Variants in ADPGK observed in about 807,000 individuals in gnomAD.
ADPGK encodes ADP dependent glucokinase.
Under a neutral mutation model 42.4 loss-of-function variants are expected in ADPGK, and 26 were observed. That is an observed-to-expected ratio of 0.61 (90% CI 0.45 to 0.85). The LOEUF is 0.85. Ranked by LOEUF, ADPGK falls within the 40% of genes least tolerant of loss-of-function variation. ADPGK has a pLI of 0.00. For missense variants in ADPGK, 571 were observed against 627.0 expected (o/e 0.91, Z 0.95); for synonymous variants, 267 against 252.6 (o/e 1.06, Z -0.54).
chr15:72,783,577 G>C lies in ADPGK; in HGVS notation c.115C>G (p.Leu39Val), dbSNP rs1347795078. ...GGCGCAGGCGCGGGCCCCAGACACA[G>C]CGAGCTCCAGAGAGAGCGCAGCGCC... is the stretch of plus-strand genomic sequence containing the variant. Reference protein sequence around the residue: ...GSALRSLWSSLCLGPAPAPPG... With the variant: ...GSALRSLWSSVCLGPAPAPPG... The change falls in exon 1 of 7, where the codon CTG becomes GTG. Residue 39 changes from leucine (L) to valine (V), a missense_variant. Physicochemically the swap from Leu to Val is conservative, Grantham distance 32. Coordinates refer to ENST00000456471, the MANE Select transcript of ADPGK (RefSeq NM_001365225.1). 6.6e-7 allele frequency: 1 copy of C among 1,512,652 alleles called. No homozygotes were observed. Among genetic ancestry groups the C allele is most frequent in the African/African-American group, 1.4e-5 (1 of 69,648 alleles). The allele number at this position is 1,512,652 out of a possible 1,614,324, so 93.7% of individuals were successfully genotyped here.
chr15:72,761,940 C>T (rs547753348), intron 3 of ADPGK, among the ~76,000 whole-genome samples: 76 of 152,128 alleles, frequency 5.0e-4, no homozygotes, highest in Admixed American at 1.8e-3. Context: ...GGCACAATCT[C>T]GGCTCACTGC....
chr15:72,782,324 G>C (rs2151098215), intron 1 of ADPGK, among the ~76,000 whole-genome samples: 1 of 151,998 alleles, frequency 6.6e-6, no homozygotes, highest in Admixed American at 6.5e-5. Flanking sequence ...GACCAGCCTG[G>C]GCAATATAGC....
At chr15:72,782,386 G>A (rs1425958021) in intron 1 of ADPGK, among the ~76,000 whole-genome samples, 2 of 151,928 alleles carry the variant, frequency 1.3e-5, no homozygotes, top group African/African-American at 2.4e-5. Flanking sequence ...TTGGCTGGGC[G>A]TGGTGGTGCT....
chr15:72,758,477 GAC>G (rs1197313880), intron 4 of ADPGK: 1 of 359,730 alleles, frequency 2.8e-6, no homozygotes, highest in Non-Finnish European at 5.3e-6. Flanking sequence ...TGAGGTCAGA[GAC>G]AAGCTGGGAA....
chr15:72,780,345 T>A (rs569969887), intron 1 of ADPGK, among the ~76,000 whole-genome samples: 1 of 152,074 alleles, frequency 6.6e-6, no homozygotes, highest in East Asian at 1.9e-4. Context: ...AAGGATCTCA[T>A]GAGAACGAAC....
rs766801695 is a variant in ADPGK at position 72,752,628 on chromosome 15, C to T, written c.1207G>A (p.Val403Met). The T allele has an allele frequency of 8.1e-6, 13 of 1,614,108 alleles. No individual in the cohort carries two copies. The highest frequency in any genetic ancestry group is 1.1e-5 in the Non-Finnish European group (13 of 1,180,048). Residue 403 changes from valine (V) to methionine (M), a missense_variant, in exon 7 of 7, where the codon GTG (valine) becomes ATG (methionine). Transcript: ENST00000456471. Reference protein sequence around the residue: ...DGHWANQLAAVAAGARVAGTQ... With the variant: ...DGHWANQLAAMAAGARVAGTQ... Reference sequence around the variant, plus strand: ...CCAGCCACACGAGCTCCTGCAGCCACGGCTGCCAGCTGGTTGGCCCAGTGT... The same window carrying T: ...CCAGCCACACGAGCTCCTGCAGCCATGGCTGCCAGCTGGTTGGCCCAGTGT...
Position 72,781,760 on chromosome 15 carries a change from T to G in ADPGK, c.233+1699A>C, listed in dbSNP as rs530897712. On this transcript the variant is annotated intron_variant, in intron 1 of 6. Coordinates refer to ENST00000456471, the MANE Select transcript of ADPGK (RefSeq NM_001365225.1). ...CTCTTCTAACCATAATTGTTATGGATTGAATTGTCCACCCCCCACCAATTC... is the reference window on the plus strand; with the variant it reads ...CTCTTCTAACCATAATTGTTATGGAGTGAATTGTCCACCCCCCACCAATTC... 1.9e-4 allele frequency among the ~76,000 whole-genome samples: 29 copies of G among 152,322 alleles called. 2 individuals are homozygous for G. The South Asian group carries it at 5.8e-3, about 30-fold the overall frequency.
At chr15:72,776,765 C>G (rs2066397235) in intron 1 of ADPGK, among the ~76,000 whole-genome samples, 1 of 152,134 alleles carries the variant, frequency 6.6e-6, no homozygotes, top group African/African-American at 2.4e-5. Context: ...TTATAAGGGT[C>G]CTTTTTATTA....
chr15:72,752,890 G>GT lies in ADPGK; in HGVS notation c.944_945insA (p.Phe316LeufsTer11). 1 of 1,608,552 alleles carries GT rather than the reference G, an allele frequency of 6.2e-7. No individual in the cohort carries two copies. On this transcript the variant is annotated frameshift_variant, in exon 7 of 7. Coordinates refer to ENST00000456471, the MANE Select transcript of ADPGK (RefSeq NM_001365225.1). LOFTEE classifies it high-confidence loss of function. ...GCCCAAGGGAAGTCACCGCGGGAAA[G>GT]ACCTGCTAACAAAAACAACAACAGG...
rs377700760 is a variant in ADPGK at position 72,779,323 on chromosome 15, A to G, written c.233+4136T>C. Among the ~76,000 whole-genome samples, 459 of 140,802 alleles carry G rather than the reference A, an allele frequency of 3.3e-3. 1 individual carries two copies. Among genetic ancestry groups the G allele is most frequent in the African/African-American group, 0.011 (425 of 37,250 alleles). The allele number at this position is 140,802 out of a possible 152,430, so 92.4% of individuals were successfully genotyped here. ...GAATGCAACGGCGCGATCTCGGCTCACCGCAACCTCTGCCTCCTGGGTTGA... is the reference window on the plus strand; with the variant it reads ...GAATGCAACGGCGCGATCTCGGCTCGCCGCAACCTCTGCCTCCTGGGTTGA... On this transcript the variant is annotated intron_variant, in intron 1 of 6. Coordinates refer to ENST00000456471, the MANE Select transcript of ADPGK (RefSeq NM_001365225.1).
intron 3 of ADPGK, among the ~76,000 whole-genome samples, chr15:72,762,648 T>C (rs903702013): frequency 3.3e-5 from 5 of 152,184 alleles, no homozygotes; most frequent in African/African-American, 4.8e-5. Flanking sequence ...TTTCAAAACA[T>C]TGTGTGAACA....
chr15:72,773,923 A>C (rs11072386), intron 2 of ADPGK, among the ~76,000 whole-genome samples: 132,650 of 152,190 alleles, frequency 0.87, 58,106 homozygotes, highest in East Asian at 1. Context: ...GACTGGAGTG[A>C]AGTGGCACGG....
intron 1 of ADPGK, chr15:72,783,061 C>T: frequency 3.3e-6 from 1 of 307,344 alleles, no homozygotes; most frequent in Non-Finnish European, 4.8e-6. Context: ...GCAGACATCA[C>T]GCGTCTTCAA....
At chr15:72,771,138 T>A (rs566541301) in intron 3 of ADPGK, among the ~76,000 whole-genome samples, 7 of 152,294 alleles carry the variant, frequency 4.6e-5, no homozygotes, top group African/African-American at 1.7e-4. Context: ...CTTGTTGGCC[T>A]CCCCCTTCAG....
At chr15:72,764,381 A>T (rs2066231906) in intron 3 of ADPGK, among the ~76,000 whole-genome samples, 1 of 152,250 alleles carries the variant, frequency 6.6e-6, no homozygotes, top group Non-Finnish European at 1.5e-5. Context: ...TGGATAGCAG[A>T]TCAAACAAGC....
intron 3 of ADPGK, among the ~76,000 whole-genome samples, chr15:72,762,008 A>C (rs1241011706): frequency 6.6e-6 from 1 of 152,094 alleles, no homozygotes; most frequent in Non-Finnish European, 1.5e-5. Context: ...AGTAGCTGGG[A>C]TTACAGGCGC....
chr15:72,756,416 A>G lies in ADPGK; in HGVS notation c.675T>C (p.His225=). The G allele has an allele frequency of 6.2e-7, 1 of 1,614,206 alleles. No individual in the cohort carries two copies. Among genetic ancestry groups the G allele is most frequent in the Non-Finnish European group, 8.5e-7 (1 of 1,180,024 alleles). The change falls in exon 5 of 7, where the codon CAT becomes CAC. Residue 225 remains histidine, a synonymous_variant. Coordinates refer to ENST00000456471, the MANE Select transcript of ADPGK (RefSeq NM_001365225.1). ...GEEWGQLKAP[H]ANRFIFSHDL... ...CGTGAGAGAAGATGAATCGGTTGGC[A>G]TGGGGAGCTTTTAACTGGCCCCACT...
intron 4 of ADPGK, chr15:72,757,107 C>G (rs968878117): frequency 6.5e-6 from 1 of 152,828 alleles, no homozygotes; most frequent in Non-Finnish European, 1.5e-5. Flanking sequence ...TCCTACCACC[C>G]CTAAGCAGAC....
intron 4 of ADPGK, among the ~76,000 whole-genome samples, chr15:72,760,010 C>CA (rs1315065626): frequency 1.3e-5 from 2 of 152,200 alleles, no homozygotes; most frequent in African/African-American, 4.8e-5. Flanking sequence ...TTGGAAGAGT[C>CA]AGTCAGAAAG....
Sources: allele counts gnomAD v4.1 joint callset (sites outside exome capture counted in the v4.1 genomes callset), GRCh38; gene constraint gnomAD v4.1.1; transcripts MANE v1.5; gene names NCBI Gene and HGNC (gene_info 2026-07-23, HGNC 2026-07-21).